The following CDYL variants were observed in gnomAD, a reference collection of about 807,000 sequenced individuals.
CDYL encodes chromodomain Y like, also known as chromodomain Y-like protein.
In CDYL, 8 loss-of-function variants were observed where a neutral mutation model predicts 47.3. The observed-to-expected ratio is 0.17, with a 90% CI of 0.10 to 0.31. The LOEUF (loss-of-function observed/expected upper bound fraction) is 0.31. Among genes scored for constraint, CDYL ranks in the 10% least tolerant of loss-of-function variants. CDYL has a pLI of 1.00. For missense variants in CDYL, 471 were observed against 701.4 expected, an observed-to-expected ratio of 0.67 and a Z score of 3.71; for synonymous variants, 266 against 265.0, an observed-to-expected ratio of 1.00 and a Z score of -0.04.
intron 3 of CDYL, among the ~76,000 whole-genome samples, chr6:4,760,514 A>G (rs1343444247): frequency 6.6e-6 from 1 of 152,176 alleles, no homozygotes; most frequent in Non-Finnish European, 1.5e-5. Flanking sequence ...ATTGGTCAGA[A>G]AAGAGTTTGC....
At chr6:4,803,261 C>T (rs1759276787) in intron 1 of CDYL, among the ~76,000 whole-genome samples, 1 of 152,214 alleles carries the variant, frequency 6.6e-6, no homozygotes, top group Non-Finnish European at 1.5e-5. Flanking sequence ...TGCTCCCATC[C>T]ATCAGACACC....
intron 1 of CDYL, among the ~76,000 whole-genome samples, chr6:4,788,480 CAAAAAA>C (rs1220969716): frequency 4.9e-5 from 3 of 61,062 alleles, no homozygotes; most frequent in East Asian, 5.3e-4. Flanking sequence ...GAGACTCTGT[CAAAAAA>C]AAAAAAAAAA....
intron 1 of CDYL, among the ~76,000 whole-genome samples, chr6:4,712,391 C>T (rs1346664896): frequency 6.6e-6 from 1 of 152,244 alleles, no homozygotes; most frequent in Non-Finnish European, 1.5e-5. Context: ...AGGTCCCCAA[C>T]TGAAGGTAGA....
At chr6:4,734,916 C>T in intron 3 of CDYL, 1 of 1,587,942 alleles carries the variant, frequency 6.3e-7, no homozygotes, top group Non-Finnish European at 8.6e-7. Context: ...GGGAATCGCC[C>T]CACACCACAC....
At chr6:4,733,816 G>A (rs768540587) in intron 2 of CDYL, among the ~76,000 whole-genome samples, 1 of 150,172 alleles carries the variant, frequency 6.7e-6, no homozygotes, top group African/African-American at 2.4e-5. Context: ...CTCTCTCTCT[G>A]CAGTTTCTTT....
chr6:4,723,763 G>C (rs1200324221), intron 2 of CDYL, among the ~76,000 whole-genome samples: 5 of 152,160 alleles, frequency 3.3e-5, no homozygotes, highest in African/African-American at 9.7e-5. Flanking sequence ...CATAAGCCTG[G>C]CCCCTGCTCT....
intron 1 of CDYL, among the ~76,000 whole-genome samples, chr6:4,854,739 T>C (rs1342250349): frequency 1.3e-5 from 2 of 152,168 alleles, no homozygotes; most frequent in Non-Finnish European, 2.9e-5. Context: ...AAGGCTAGGT[T>C]CCAGGAGTCA....
chr6:4,941,768 T>A (rs977691272), intron 4 of CDYL, among the ~76,000 whole-genome samples: 16 of 152,222 alleles, frequency 1.1e-4, no homozygotes, highest in African/African-American at 3.6e-4. Context: ...ACCTTCTTAT[T>A]ACCTTGACTT....
chr6:4,711,404 CCT>C (rs1363811244), intron 1 of CDYL, among the ~76,000 whole-genome samples: 1 of 152,198 alleles, frequency 6.6e-6, no homozygotes, highest in African/African-American at 2.4e-5. Flanking sequence ...CTCATTCTCT[CCT>C]CTGATTCCCC....
intron 2 of CDYL, among the ~76,000 whole-genome samples, chr6:4,716,730 C>T (rs1483481732): frequency 1.3e-5 from 2 of 151,254 alleles, no homozygotes; most frequent in Non-Finnish European, 2.9e-5. Context: ...GAGCTAGCAA[C>T]CTGAAGAAGT....
intron 1 of CDYL, among the ~76,000 whole-genome samples, chr6:4,868,439 C>T (rs1357677944): frequency 6.6e-6 from 1 of 151,362 alleles, no homozygotes; most frequent in East Asian, 1.9e-4. Context: ...TAATTTAATT[C>T]CATTATGGCC....
chr6:4,841,425 C>T (rs1760485274), intron 1 of CDYL, among the ~76,000 whole-genome samples: 1 of 151,922 alleles, frequency 6.6e-6, no homozygotes, highest in Admixed American at 6.6e-5. Context: ...GTTATTTCTT[C>T]TGCTGGGTTT....
rs6939045 is a variant in CDYL, at chr6:4,808,324, A to G, written c.24+31517A>G. ...CATATGCAGTTAAAAATGAGTTCCTATTGATGAATTCCATTTCCAGTTTAA... is the reference window on the plus strand; with the variant it reads ...CATATGCAGTTAAAAATGAGTTCCTGTTGATGAATTCCATTTCCAGTTTAA... On this transcript the variant is annotated intron_variant, in intron 1 of 6. Coordinates refer to ENST00000397588, the MANE Select transcript of CDYL (RefSeq NM_004824.4). Among the ~76,000 whole-genome samples, 1,291 of 152,328 alleles carry G rather than the reference A, an allele frequency of 8.5e-3. 21 individuals are homozygous for G. Among genetic ancestry groups the G allele is most frequent in the African/African-American group, 0.03 (1,240 of 41,574 alleles).
At chr6:4,796,823 T>A (rs1010913446) in intron 1 of CDYL, among the ~76,000 whole-genome samples, 2 of 152,232 alleles carry the variant, frequency 1.3e-5, no homozygotes, top group South Asian at 4.1e-4. Context: ...TTAATGTGTT[T>A]AATTTTGTTA....
intron 1 of CDYL, among the ~76,000 whole-genome samples, chr6:4,867,974 T>C (rs980721610): frequency 3.9e-5 from 6 of 152,036 alleles, no homozygotes; most frequent in African/African-American, 1.4e-4. Context: ...ATTTCTGATA[T>C]GGGTTATTTG....
intron 1 of CDYL, among the ~76,000 whole-genome samples, chr6:4,844,801 A>G (rs758906541): frequency 6.6e-6 from 1 of 152,064 alleles, no homozygotes; most frequent in Non-Finnish European, 1.5e-5. Flanking sequence ...AAGGAAGGCT[A>G]TTTTGTTGTT....
At chr6:4,773,010 G>T, upstream of CDYL, 1 of 398,642 alleles carries the variant, frequency 2.5e-6, no homozygotes, top group South Asian at 1.9e-5. The surrounding 1 kb of genome is among the most constrained non-coding windows in gnomAD (Gnocchi z 4.6). Flanking sequence ...AAAAGAGGAG[G>T]ATCTCAGATT....
intron 2 of CDYL, among the ~76,000 whole-genome samples, chr6:4,918,554 A>G (rs545862012): frequency 6.6e-6 from 1 of 152,304 alleles, no homozygotes; most frequent in South Asian, 2.1e-4. Flanking sequence ...GAATGATAGG[A>G]TTGATATTGC....
rs903334497 is a variant in CDYL at position 4,892,390 on chromosome 6, A to G, written c.691+11A>G. ...CTGTTAACGGGAAAGGTGAGTGTCT[A>G]GGGAGCTGCTCAGGCTCCGTGGTGA... On this transcript the variant is annotated intron_variant, in intron 2 of 6. Transcript: ENST00000397588. The G allele has an allele frequency of 3.1e-6, 5 of 1,592,208 alleles. No individual in the cohort carries two copies. The African/African-American group carries it at 5.4e-5, about 17-fold the overall frequency.
Sources: gnomAD v4.1 joint callset for allele counts (sites outside exome capture counted in the v4.1 genomes callset) on GRCh38, gnomAD v4.1.1 for gene constraint, Gnocchi (gnomAD v3.1) non-coding constraint, MANE v1.5 for transcripts, NCBI Gene and HGNC (gene_info 2026-07-23, HGNC 2026-07-21) for gene names.